Variants in PTK2B observed in about 807,000 individuals in gnomAD.
PTK2B encodes protein tyrosine kinase 2 beta.
In PTK2B, 71 loss-of-function variants were observed where a neutral mutation model predicts 142.9. The ratio of observed to expected loss-of-function variants is 0.50; its 90% CI spans 0.41 to 0.61. The LOEUF (loss-of-function observed/expected upper bound fraction) is 0.61. PTK2B is among the 20% of genes least tolerant of loss of function. PTK2B has a pLI of 0.00. For missense variants in PTK2B, 1,105 were observed against 1,320.4 expected, an observed-to-expected ratio of 0.84 and a Z score of 2.53; for synonymous variants, 519 against 503.4, an observed-to-expected ratio of 1.03 and a Z score of -0.42.
At chr8:27,369,195 C>CTAAG (rs1220083055) in intron 1 of PTK2B, among the ~76,000 whole-genome samples, 1 of 152,182 alleles carries the variant, frequency 6.6e-6, no homozygotes, top group East Asian at 1.9e-4. Flanking sequence ...AGGCCTTGCC[C>CTAAG]TAAGACCTCT....
chr8:27,437,521 C>A, intron 17 of PTK2B, 25 bp downstream of exon 17: 2 of 1,548,830 alleles, frequency 1.3e-6, no homozygotes, highest in South Asian at 1.2e-5. Context: ...CCTGCGATGA[C>A]AACTGGGCTG....
chr8:27,459,170 G>A lies in PTK2B; in HGVS notation c.*661G>A, dbSNP rs766749780. 14 of 237,108 alleles carry A rather than the reference G, an allele frequency of 5.9e-5. No homozygotes were observed. Among genetic ancestry groups the A allele is most frequent in the Middle Eastern group, 1.3e-3 (1 of 790 alleles). The allele number at this position is 237,108 out of a possible 1,614,324, so 14.7% of individuals were successfully genotyped here. On this transcript the variant is annotated 3_prime_UTR_variant, in exon 31 of 31. Transcript: ENST00000346049. ...TCAGGGGGAAGAAGCAGAGAGATGCGGCCAAGATAGGACCTTGGGCCAAAT... is the reference window on the plus strand; with the variant it reads ...TCAGGGGGAAGAAGCAGAGAGATGCAGCCAAGATAGGACCTTGGGCCAAAT...
chr8:27,421,134 A>G (rs1472540160), intron 4 of PTK2B, among the ~76,000 whole-genome samples: 1 of 152,166 alleles, frequency 6.6e-6, no homozygotes, highest in Non-Finnish European at 1.5e-5. Flanking sequence ...ATTTACTTGC[A>G]TGAAGCTGTT....
At chr8:27,444,385 C>T in intron 23 of PTK2B, 114 bp downstream of exon 23, 1 of 1,157,760 alleles carries the variant, frequency 8.6e-7, no homozygotes, top group South Asian at 1.3e-5. Context: ...ATGGAGATGG[C>T]CTAGGTTGAC....
intron 10 of PTK2B, 78 bp from the exon 11 acceptor site, chr8:27,433,357 C>A (rs761854352): frequency 7.9e-7 from 1 of 1,265,216 alleles, no homozygotes; most frequent in Non-Finnish European, 1.1e-6. Context: ...AGGGGTCCTG[C>A]CATCTCTTCT....
intron 5 of PTK2B, among the ~76,000 whole-genome samples, chr8:27,427,813 A>G (rs1179224870): frequency 6.6e-6 from 1 of 152,048 alleles, no homozygotes; most frequent in Non-Finnish European, 1.5e-5. Flanking sequence ...TCCAGGGGAG[A>G]ATCCTGGGTA....
intron 1 of PTK2B, among the ~76,000 whole-genome samples, chr8:27,357,055 A>G (rs1185048391): frequency 6.6e-6 from 1 of 152,242 alleles, no homozygotes; most frequent in Non-Finnish European, 1.5e-5. Context: ...ACACCCACAC[A>G]TACGAATGAA....
At chr8:27,407,514 C>T (rs895904517) in intron 2 of PTK2B, among the ~76,000 whole-genome samples, 1 of 152,208 alleles carries the variant, frequency 6.6e-6, no homozygotes, top group South Asian at 2.1e-4. Context: ...GTGCTGGCTC[C>T]AGCTCACAAA....
upstream of PTK2B, among the ~76,000 whole-genome samples, chr8:27,324,729 A>G (rs1227881622): frequency 6.6e-6 from 1 of 152,198 alleles, no homozygotes; most frequent in African/African-American, 2.4e-5. Context: ...GGGGCTCTGG[A>G]GAGGACATTG....
At position 27,458,880 on chromosome 8, in the gene PTK2B, C is replaced by T. The variant is rs1401643157; in HGVS notation, c.*371C>T. 2 of 377,102 alleles carry T rather than the reference C, an allele frequency of 5.3e-6. No homozygotes were observed. Among genetic ancestry groups the T allele is most frequent in the Non-Finnish European group, 9.8e-6 (2 of 203,994 alleles). The allele number at this position is 377,102 out of a possible 1,614,324, so 23.4% of individuals were successfully genotyped here. On this transcript the variant is annotated 3_prime_UTR_variant, in exon 31 of 31. Coordinates refer to ENST00000346049, the MANE Select transcript of PTK2B (RefSeq NM_173176.3). ...ATGGCAGGCCGATTTGGGAACCAAG[C>T]TATTCCTTTCCCTTCCTCTTCGGCC...
At chr8:27,379,241 T>C (rs1806863782) in intron 1 of PTK2B, among the ~76,000 whole-genome samples, 1 of 152,226 alleles carries the variant, frequency 6.6e-6, no homozygotes, top group African/African-American at 2.4e-5. Context: ...CTGCAACCAC[T>C]GTTTTTTGTT....
At chr8:27,384,615 C>G (rs975028466) in intron 1 of PTK2B, among the ~76,000 whole-genome samples, 6 of 152,136 alleles carry the variant, frequency 3.9e-5, no homozygotes, top group African/African-American at 1.4e-4. Context: ...GATGAATATG[C>G]TAATTAGCTT....
At chr8:27,425,299 C>T (rs965020718) in intron 5 of PTK2B, among the ~76,000 whole-genome samples, 4 of 151,694 alleles carry the variant, frequency 2.6e-5, no homozygotes, top group Non-Finnish European at 1.5e-5. Flanking sequence ...AGTAACGTAA[C>T]AAACCTTGCA....
intron 3 of PTK2B, among the ~76,000 whole-genome samples, chr8:27,317,955 T>A (rs1340467122): frequency 3.9e-5 from 6 of 152,256 alleles, no homozygotes; most frequent in Non-Finnish European, 8.8e-5. Context: ...ATTATTTTAT[T>A]GGAAACATTT....
rs183602935 is a variant in PTK2B, at chr8:27,420,767, G to T, written c.471+23G>T. 1.3e-4 allele frequency: 208 copies of T among 1,582,062 alleles called. No homozygotes were observed. In the African/African-American group the frequency reaches 1.8e-3, roughly 14 times the overall value. ...CAGGTAAAAAGTACTTTATCTTCTT[G>T]CCCCGAGGCTCCCATTACACCTCAA... On this transcript the variant is annotated intron_variant, in intron 4 of 30. Transcript: ENST00000346049.
chr8:27,331,918 G>C (rs1322096932), intron 1 of PTK2B, among the ~76,000 whole-genome samples: 2 of 152,150 alleles, frequency 1.3e-5, no homozygotes, highest in African/African-American at 4.8e-5. Context: ...CTCTCACCCA[G>C]CTCCATGTAC....
chr8:27,429,373 G>A (rs1321583903), intron 5 of PTK2B, among the ~76,000 whole-genome samples: 1 of 152,164 alleles, frequency 6.6e-6, no homozygotes, highest in Non-Finnish European at 1.5e-5. Context: ...ATAAGATCAG[G>A]AGTAGGATAA....
chr8:27,359,147 G>A (rs1283642199), intron 1 of PTK2B, among the ~76,000 whole-genome samples: 1 of 151,872 alleles, frequency 6.6e-6, no homozygotes, highest in Middle Eastern at 3.2e-3. Context: ...ACATAGTCTT[G>A]CTCTGTCACC....
intron 1 of PTK2B, among the ~76,000 whole-genome samples, chr8:27,371,633 C>T (rs980654440): frequency 1.2e-4 from 18 of 151,872 alleles, no homozygotes; most frequent in Middle Eastern, 3.2e-3. Context: ...CTGCAACCTC[C>T]GCCCTCTGAG....
Sources: allele counts gnomAD v4.1 joint callset (sites outside exome capture counted in the v4.1 genomes callset), GRCh38; gene constraint gnomAD v4.1.1; transcripts MANE v1.5; gene names NCBI Gene and HGNC (gene_info 2026-07-23, HGNC 2026-07-21).